ASIC2: variants seen among roughly 807,000 people sequenced by gnomAD.
ASIC2 encodes acid sensing ion channel subunit 2, also known as acid-sensing ion channel 2.
Under a neutral mutation model 57.3 loss-of-function variants are expected in ASIC2, and 25 were observed. That is an observed-to-expected ratio of 0.44 (90% confidence interval 0.32 to 0.61). ASIC2 has a LOEUF of 0.61. Among genes scored for constraint, ASIC2 ranks in the 20% least tolerant of loss-of-function variants. ASIC2 has a pLI of 0.06. For missense variants in ASIC2, 641 were observed against 738.1 expected, an observed-to-expected ratio of 0.87 and a Z score of 1.52; for synonymous variants, 319 against 307.5, an observed-to-expected ratio of 1.04 and a Z score of -0.39.
chr17:33,483,129 G>A (rs767755940), intron 1 of ASIC2, among the ~76,000 whole-genome samples: 1 of 147,478 alleles, frequency 6.8e-6, no homozygotes, highest in African/African-American at 2.4e-5. Flanking sequence ...GCATCCCCAC[G>A]CCACACAGAT....
At chr17:33,337,447 C>A (rs548693026) in intron 1 of ASIC2, among the ~76,000 whole-genome samples, 1 of 152,242 alleles carries the variant, frequency 6.6e-6, no homozygotes, top group African/African-American at 2.4e-5. Context: ...TGGTCTGAAT[C>A]CAAAGTCCTT....
chr17:33,828,846 T>C (rs1050000548), intron 1 of ASIC2, among the ~76,000 whole-genome samples: 24 of 152,322 alleles, frequency 1.6e-4, no homozygotes, highest in African/African-American at 5.8e-4. Context: ...CATTAACTCA[T>C]GGCTTCCAAA....
At chr17:33,341,133 A>G (rs912531956) in intron 1 of ASIC2, among the ~76,000 whole-genome samples, 1 of 152,302 alleles carries the variant, frequency 6.6e-6, no homozygotes, top group African/African-American at 2.4e-5. Flanking sequence ...TCCAGTGGTA[A>G]TCAAATGTTA....
chr17:33,718,893 G>A (rs992490300), intron 1 of ASIC2, among the ~76,000 whole-genome samples: 1 of 152,208 alleles, frequency 6.6e-6, no homozygotes, highest in African/African-American at 2.4e-5. Context: ...GGATGCCCAG[G>A]CATGCTACCA....
intron 1 of ASIC2, among the ~76,000 whole-genome samples, chr17:33,439,487 C>A (rs1258420397): frequency 2.0e-5 from 3 of 152,094 alleles, no homozygotes; most frequent in African/African-American, 7.2e-5. Flanking sequence ...ATAGGGGTTC[C>A]ATGCAAAGTT....
intron 1 of ASIC2, among the ~76,000 whole-genome samples, chr17:33,718,585 G>A (rs1420508949): frequency 2.0e-5 from 3 of 152,156 alleles, no homozygotes; most frequent in Non-Finnish European, 4.4e-5. Flanking sequence ...GGACAGGGGT[G>A]ACTTAGATTA....
chr17:33,757,843 CTGTGTTGGCATTCCAGGCAGG>C (rs2142109833), intron 1 of ASIC2, among the ~76,000 whole-genome samples: 1 of 152,314 alleles, frequency 6.6e-6, no homozygotes, highest in African/African-American at 2.4e-5. Flanking sequence ...CCAAAGGCAG[CTGTGTTGGCATTCCAGGCAGG>C]TGTGTGCTGA....
intron 1 of ASIC2, among the ~76,000 whole-genome samples, chr17:33,340,127 CA>C (rs1163380421): frequency 6.6e-6 from 1 of 152,166 alleles, no homozygotes; most frequent in East Asian, 1.9e-4. Context: ...GTGGAAATGT[CA>C]GCAGCGTTAA....
chr17:33,386,565 G>A (rs918492285), intron 1 of ASIC2, among the ~76,000 whole-genome samples: 1 of 152,104 alleles, frequency 6.6e-6, no homozygotes, highest in Non-Finnish European at 1.5e-5. Flanking sequence ...TGACTTTACT[G>A]CCACCTCTCT....
chr17:33,649,277 C>T (rs1234747099), intron 1 of ASIC2, among the ~76,000 whole-genome samples: 1 of 152,090 alleles, frequency 6.6e-6, no homozygotes, highest in Non-Finnish European at 1.5e-5. Flanking sequence ...AACACATGGG[C>T]ATTGAAATGC....
chr17:33,085,617 A>G (rs1234894630), intron 3 of ASIC2, among the ~76,000 whole-genome samples: 1 of 152,226 alleles, frequency 6.6e-6, no homozygotes, highest in East Asian at 1.9e-4. Flanking sequence ...TATCTCTACC[A>G]CTTCACTCAT....
At chr17:33,765,199 G>A (rs952984052) in intron 1 of ASIC2, among the ~76,000 whole-genome samples, 29 of 152,136 alleles carry the variant, frequency 1.9e-4, no homozygotes, top group African/African-American at 5.8e-4. Context: ...TCCGCCTCCC[G>A]GGTTCACGCC....
At chr17:33,522,800 C>A (rs759834606) in intron 1 of ASIC2, among the ~76,000 whole-genome samples, 1 of 152,198 alleles carries the variant, frequency 6.6e-6, no homozygotes, top group Non-Finnish European at 1.5e-5. Flanking sequence ...CACACGAGAG[C>A]GCCACCTCCA....
chr17:33,233,259 G>T (rs2142110389), intron 1 of ASIC2, among the ~76,000 whole-genome samples: 1 of 150,748 alleles, frequency 6.6e-6, no homozygotes, highest in East Asian at 1.9e-4. Context: ...TTGACATCTT[G>T]AGCCAAAGCC....
At chr17:33,452,772 T>TGTGTGC (rs1346235604) in intron 1 of ASIC2, among the ~76,000 whole-genome samples, 1 of 151,724 alleles carries the variant, frequency 6.6e-6, no homozygotes, top group Non-Finnish European at 1.5e-5. Context: ...TGTGTGTGTG[T>TGTGTGC]GTGTGATAGC....
chr17:33,221,469 A>G (rs185890646), intron 1 of ASIC2, among the ~76,000 whole-genome samples: 72 of 152,344 alleles, frequency 4.7e-4, no homozygotes, highest in Non-Finnish European at 8.4e-4. Flanking sequence ...TTTATCTTCA[A>G]TTGACCTCAG....
intron 1 of ASIC2, among the ~76,000 whole-genome samples, chr17:34,134,808 GA>G (rs1912083968): frequency 6.6e-6 from 1 of 152,198 alleles, no homozygotes; most frequent in Non-Finnish European, 1.5e-5. Flanking sequence ...ATTTCTAGGA[GA>G]GGGAGCTCAC....
At chr17:33,308,595 G>C (rs558600884) in intron 1 of ASIC2, among the ~76,000 whole-genome samples, 2 of 152,224 alleles carry the variant, frequency 1.3e-5, no homozygotes, top group East Asian at 3.9e-4. Context: ...CAATAACTTT[G>C]TGTCATCACT....
At position 33,110,622 on chromosome 17, in the gene ASIC2, C is replaced by T. The variant is rs189133547; in HGVS notation, c.859+1295G>A. ...AATGGCCACACTCCCGTCCCTGCAA[C>T]GGGGTGTTCGTGAGAGAGGGGTGGT... On this transcript the variant is annotated intron_variant, in intron 2 of 9. Transcript: ENST00000225823. Among the ~76,000 whole-genome samples the T allele has an allele frequency of 2.1e-3, 315 of 152,250 alleles. 1 individual carries two copies. Among genetic ancestry groups the T allele is most frequent in the African/African-American group, 7.3e-3 (303 of 41,538 alleles).
Sources: gnomAD v4.1 joint callset for allele counts (sites outside exome capture counted in the v4.1 genomes callset) on GRCh38, gnomAD v4.1.1 for gene constraint, MANE v1.5 for transcripts, NCBI Gene and HGNC (gene_info 2026-07-23, HGNC 2026-07-21) for gene names.